Variants in CTSO observed in about 807,000 individuals in gnomAD.
The protein encoded by CTSO is cathepsin O.
A neutral mutation model predicts 42.4 loss-of-function variants in CTSO; 40 were observed. That is an observed-to-expected ratio of 0.94 (90% CI 0.73 to 1.23). The LOEUF is 1.23. Among genes scored for constraint, CTSO ranks in the 50% most tolerant of loss-of-function variants. CTSO has a pLI of 0.00. For missense variants in CTSO, 441 were observed against 396.0 expected (o/e 1.11, Z -0.96); for synonymous variants, 156 against 146.2 (o/e 1.07, Z -0.48).
At chr4:155,939,609 C>T in intron 3 of CTSO, 71 bp from the exon 4 acceptor site, 1 of 1,355,216 alleles carries the variant, frequency 7.4e-7, no homozygotes. Context: ...CTAAATGTAA[C>T]AAGTTATCAA....
chr4:155,930,682 T>C (rs1188154113), intron 5 of CTSO, among the ~76,000 whole-genome samples: 1 of 152,176 alleles, frequency 6.6e-6, no homozygotes, highest in African/African-American at 2.4e-5. Flanking sequence ...AAATAATCTT[T>C]CATGACGACC....
chr4:155,933,288 A>T (rs933103094), intron 5 of CTSO, among the ~76,000 whole-genome samples: 9 of 151,572 alleles, frequency 5.9e-5, no homozygotes, highest in East Asian at 1.9e-4. Context: ...TTCTTCCTCA[A>T]TTTCTCTTGC....
At chr4:155,945,279 A>AT (rs1343642457) in intron 1 of CTSO, among the ~76,000 whole-genome samples, 2 of 152,000 alleles carry the variant, frequency 1.3e-5, no homozygotes, top group African/African-American at 2.4e-5. Flanking sequence ...AAATAAATAA[A>AT]AAATAAGAAA....
intron 1 of CTSO, among the ~76,000 whole-genome samples, chr4:155,945,933 G>A (rs900662135): frequency 6.6e-6 from 1 of 151,838 alleles, no homozygotes; most frequent in African/African-American, 2.4e-5. Context: ...CACCAAATGC[G>A]CACACACACA....
intron 1 of CTSO, among the ~76,000 whole-genome samples, chr4:155,950,777 C>T (rs1038436141): frequency 6.6e-6 from 1 of 151,848 alleles, no homozygotes; most frequent in African/African-American, 2.4e-5. Flanking sequence ...TTGCACAGTC[C>T]TTATGTGAAT....
chr4:155,946,183 C>T (rs920517693), intron 1 of CTSO, among the ~76,000 whole-genome samples: 1 of 152,036 alleles, frequency 6.6e-6, no homozygotes, highest in African/African-American at 2.4e-5. Flanking sequence ...GTGACATCTA[C>T]GAGAGAAACA....
chr4:155,924,628 A>G lies in CTSO; in HGVS notation c.*1408T>C, dbSNP rs1318901626. 1.3e-5 allele frequency: 2 copies of G among 152,054 alleles called. No homozygotes were observed. The highest frequency in any genetic ancestry group is 2.9e-5 in the Non-Finnish European group (2 of 68,036). 9.4% of individuals were successfully genotyped at this position (152,054 alleles called of 1,614,324 possible). ...TTTTAGAGAAGAAATATGTACATAC[A>G]TAGTATCAGAAATAATTTTCTTGTA... On this transcript the variant is annotated 3_prime_UTR_variant, in exon 8 of 8. Coordinates refer to ENST00000433477, the MANE Select transcript of CTSO (RefSeq NM_001334.3).
In CTSO at chr4:155,926,505, A is replaced by G. The variant is rs559419112; in HGVS notation, c.932-435T>C. Among the ~76,000 whole-genome samples, 5 of 152,330 alleles carry G rather than the reference A, an allele frequency of 3.3e-5. No individual in the cohort carries two copies. The East Asian group carries it at 9.6e-4, about 29-fold the overall frequency. ...CACGAGTGTGCTATGCTTTCTTTAC[A>G]CACGAGAACACAGATTGCAACATCA... On this transcript the variant is annotated intron_variant, in intron 7 of 7. Coordinates refer to ENST00000433477, the MANE Select transcript of CTSO (RefSeq NM_001334.3).
chr4:155,930,435 C>T (rs146186715), intron 5 of CTSO, among the ~76,000 whole-genome samples: 2 of 152,186 alleles, frequency 1.3e-5, no homozygotes, highest in Non-Finnish European at 2.9e-5. Context: ...CTGCAAAATA[C>T]ACAATTATTG....
intron 1 of CTSO, among the ~76,000 whole-genome samples, chr4:155,944,822 G>T (rs532888015): frequency 2.0e-5 from 3 of 152,204 alleles, no homozygotes; most frequent in African/African-American, 7.2e-5. Context: ...TCCTTGGACT[G>T]TGAGACAGCA....
intron 1 of CTSO, among the ~76,000 whole-genome samples, chr4:155,946,974 G>A (rs1427593263): frequency 6.6e-6 from 1 of 152,030 alleles, no homozygotes; most frequent in Non-Finnish European, 1.5e-5. Context: ...TCCTGCCTCA[G>A]CCTCCCGAGT....
At chr4:155,948,648 AG>A (rs1015422855) in intron 1 of CTSO, among the ~76,000 whole-genome samples, 5 of 152,222 alleles carry the variant, frequency 3.3e-5, no homozygotes, top group African/African-American at 1.2e-4. Flanking sequence ...GACCTGAACC[AG>A]TCTCATGAGG....
At chr4:155,929,392 T>C in intron 6 of CTSO, 150 bp downstream of exon 6, 1 of 723,840 alleles carries the variant, frequency 1.4e-6, no homozygotes, top group Non-Finnish European at 2.1e-6. Flanking sequence ...TCTCGGCACA[T>C]TTACTCCTAT....
chr4:155,935,006 C>T (rs971114589), intron 5 of CTSO, among the ~76,000 whole-genome samples: 2 of 152,202 alleles, frequency 1.3e-5, no homozygotes, highest in African/African-American at 2.4e-5. Context: ...GTGTCCCCAC[C>T]GAAGTCTCAA....
intron 2 of CTSO, 150 bp from the exon 3 acceptor site, chr4:155,942,606 T>C: frequency 1.4e-5 from 4 of 275,878 alleles, no homozygotes; most frequent in South Asian, 3.1e-4. Context: ...ACCAATATTA[T>C]ATTATATTAT....
chr4:155,950,079 AGT>A (rs1425342052), intron 1 of CTSO, among the ~76,000 whole-genome samples: 2 of 152,368 alleles, frequency 1.3e-5, no homozygotes, highest in Admixed American at 6.5e-5. Flanking sequence ...AGTGTACTGA[AGT>A]GTGTGTAAAC....
At position 155,951,683 on chromosome 4, in the gene CTSO, T is replaced by C. The variant is rs150670022; in HGVS notation, c.135+2030A>G. On this transcript the variant is annotated intron_variant, in intron 1 of 7. Coordinates refer to ENST00000433477, the MANE Select transcript of CTSO (RefSeq NM_001334.3). Reference sequence around the variant, plus strand: ...TAATCAAGGACTTTCTTGAACCAGATCTTCAGCTGCAAACCCCTGAATCAT... The same window carrying C: ...TAATCAAGGACTTTCTTGAACCAGACCTTCAGCTGCAAACCCCTGAATCAT... 5.6e-4 allele frequency among the ~76,000 whole-genome samples: 85 copies of C among 152,310 alleles called. No individual in the cohort carries two copies. The East Asian group carries it at 0.012, about 21-fold the overall frequency.
rs974829912 is a variant in CTSO, at chr4:155,925,307, T to C, written c.*729A>G. The stretch of plus-strand genomic sequence containing the variant: ...TATAAAAAGAACAAAGTAAGCAATA[T>C]GATCTATTGGATTCCTATTCACAAT... On this transcript the variant is annotated 3_prime_UTR_variant, in exon 8 of 8. Transcript: ENST00000433477. 2 of 152,204 alleles carry C rather than the reference T, an allele frequency of 1.3e-5. No homozygotes were observed. The highest frequency in any genetic ancestry group is 2.9e-5 in the Non-Finnish European group (2 of 68,026). The allele number at this position is 152,204 out of a possible 1,614,324, so 9.4% of individuals were successfully genotyped here.
intron 5 of CTSO, among the ~76,000 whole-genome samples, chr4:155,932,806 C>T (rs1312759542): frequency 6.6e-6 from 1 of 152,172 alleles, no homozygotes; most frequent in Non-Finnish European, 1.5e-5. Context: ...CCAGTCTTTC[C>T]TGGGATCACT....
Sources: gnomAD v4.1 joint callset for allele counts (sites outside exome capture counted in the v4.1 genomes callset) on GRCh38, gnomAD v4.1.1 for gene constraint, MANE v1.5 for transcripts, NCBI Gene and HGNC (gene_info 2026-07-23, HGNC 2026-07-21) for gene names.